SMC4: variants seen among roughly 807,000 people sequenced by gnomAD.
SMC4 encodes the protein structural maintenance of chromosomes 4.
In SMC4, 87 loss-of-function variants were observed where a neutral mutation model predicts 145.6. That is an observed-to-expected ratio of 0.60 (90% CI 0.50 to 0.71). SMC4 has a LOEUF of 0.71. Ranked by LOEUF, SMC4 falls within the 30% of genes least tolerant of loss-of-function variation. The pLI, the probability that SMC4 is intolerant of heterozygous loss-of-function variation, is 0.00. For synonymous variants in SMC4, 558 were observed against 500.7 expected, an observed-to-expected ratio of 1.11 and a Z score of -1.53; for missense variants, 1,447 against 1,537.1, an observed-to-expected ratio of 0.94 and a Z score of 0.98.
rs1717628702 is a variant in SMC4 at position 160,425,036 on chromosome 3, G to C, written c.2478+17G>C. The C allele has an allele frequency of 6.4e-7, 1 of 1,562,726 alleles. No individual in the cohort carries two copies. The highest frequency in any genetic ancestry group is 1.4e-5 in the African/African-American group (1 of 72,484). On this transcript the variant is annotated intron_variant, in intron 16 of 23. Coordinates refer to ENST00000357388, the MANE Select transcript of SMC4 (RefSeq NM_001002800.3). The stretch of plus-strand genomic sequence containing the variant: ...AGCATCCAGGTATGTGTGTGTGTGT[G>C]TGTGTGTGTGTGTGTGTACTGAAAC...
At chr3:160,413,127 GA>G (rs1215625839) in intron 7 of SMC4, among the ~76,000 whole-genome samples, 1 of 151,866 alleles carries the variant, frequency 6.6e-6, no homozygotes, top group African/African-American at 2.4e-5. Context: ...TTGTTGCTGG[GA>G]TTTTTTTGTT....
intron 8 of SMC4, 83 bp downstream of exon 8, chr3:160,413,696 TTG>T: frequency 1.2e-6 from 1 of 826,702 alleles, no homozygotes; most frequent in Non-Finnish European, 1.8e-6. Context: ...TTCTAGCACA[TTG>T]TGAGTGTAAG....
chr3:160,404,292 A>G, intron 4 of SMC4, 36 bp from the exon 5 acceptor site: 1 of 1,574,868 alleles, frequency 6.3e-7, no homozygotes, highest in Non-Finnish European at 8.6e-7. Context: ...CTTAATACCA[A>G]CAATTGTTTT....
chr3:160,433,275 A>C, intron 23 of SMC4, 66 bp downstream of exon 23: 1 of 1,107,126 alleles, frequency 9.0e-7, no homozygotes, highest in East Asian at 2.4e-5. Context: ...TTACACATGG[A>C]ATTCTTTATT....
chr3:160,400,759 G>A, intron 1 of SMC4, 63 bp from the exon 2 acceptor site: 3 of 1,416,438 alleles, frequency 2.1e-6, no homozygotes, highest in South Asian at 1.5e-5. Context: ...ATTTCCCCGG[G>A]TGGGGCGGGC....
chr3:160,404,981 G>C (rs1559989851), intron 5 of SMC4, among the ~76,000 whole-genome samples: 1 of 151,740 alleles, frequency 6.6e-6, no homozygotes. Context: ...CTGTACACTT[G>C]GTGTTTGATT....
Position 160,433,691 on chromosome 3 carries a change from C to G in SMC4, c.3749C>G (p.Ser1250Cys). The change falls in exon 24 of 24, where the codon TCT becomes TGT. Residue 1250 changes from serine (S) to cysteine (C), a missense_variant. Ser to Cys is a moderately radical substitution (Grantham distance 112, BLOSUM62 -1). Coordinates refer to ENST00000357388, the MANE Select transcript of SMC4 (RefSeq NM_001002800.3). ...QTKNAQFIII[S>C]LRNNMFEISD... ...AAAAATGCACAGTTCATAATAATTT[C>G]TCTTCGAAATAATATGTTTGAGATT... 6.3e-7 allele frequency: 1 copy of G among 1,577,872 alleles called. No individual in the cohort carries two copies. Among genetic ancestry groups the G allele is most frequent in the Non-Finnish European group, 8.6e-7 (1 of 1,161,258 alleles).
chr3:160,425,049 T>TGTGTGTGTGG, intron 16 of SMC4, 30 bp downstream of exon 16: 1 of 1,562,812 alleles, frequency 6.4e-7, no homozygotes, highest in Non-Finnish European at 8.7e-7. Flanking sequence ...TGTGTGTGTG[T>TGTGTGTGTGG]GTGTACTGAA....
chr3:160,404,064 G>T (rs1715027694), intron 4 of SMC4: 1 of 368,988 alleles, frequency 2.7e-6, no homozygotes, highest in East Asian at 6.0e-5. Context: ...TTTTAGGCTT[G>T]TTTGGAGGTG....
rs1158421588 is a variant in SMC4, at chr3:160,423,365, T to C, written c.2020-60T>C. ...TTCCTATGGGTTTTTTTTTGTTTTT[T>C]TTTTTGAGTTTTCTTTTTTGTTAAC... On this transcript the variant is annotated intron_variant, in intron 13 of 23. Transcript: ENST00000357388. The C allele has an allele frequency of 7.1e-6, 7 of 987,910 alleles. No individual in the cohort carries two copies. The Admixed American group carries it at 1.9e-4, about 27-fold the overall frequency. The allele number at this position is 987,910 out of a possible 1,614,324, so 61.2% of individuals were successfully genotyped here. A position where few individuals can be genotyped will look rare whatever the true frequency, so the allele number is the denominator to read the frequency against.
chr3:160,400,716 T>A, intron 1 of SMC4, 106 bp from the exon 2 acceptor site: 3 of 1,336,522 alleles, frequency 2.2e-6, no homozygotes, highest in Non-Finnish European at 1.9e-6. Flanking sequence ...AAGCGGAGTG[T>A]TAAGCGGGGC....
At chr3:160,426,731 T>G (rs1177984201) in intron 17 of SMC4, among the ~76,000 whole-genome samples, 1 of 152,202 alleles carries the variant, frequency 6.6e-6, no homozygotes, top group Non-Finnish European at 1.5e-5. Context: ...TAGCCTTAAT[T>G]GAAATCCCCT....
intron 3 of SMC4, among the ~76,000 whole-genome samples, 166 bp from the exon 4 acceptor site, chr3:160,402,510 G>T (rs900925189): frequency 1.3e-5 from 2 of 152,146 alleles, no homozygotes; most frequent in Non-Finnish European, 2.9e-5. Context: ...GAGAGAACTT[G>T]ATGTAAGAAA....
chr3:160,428,833 A>T lies in SMC4; in HGVS notation c.2686A>T (p.Asn896Tyr). ...RLHNTIVEIN[N>Y]HKLKAQQDKL... ...ACACAATACCATCGTAGAAATCAAT[A>T]ATCATAAACTCAAGGCCCAACAAGA... The change falls in exon 18 of 24, where the codon AAT becomes TAT. Residue 896 changes from asparagine (N) to tyrosine (Y), a missense_variant. Transcript: ENST00000357388. 1 of 1,607,202 alleles carries T rather than the reference A, an allele frequency of 6.2e-7. No individual in the cohort carries two copies. The highest frequency in any genetic ancestry group is 1.1e-5 in the South Asian group (1 of 89,160).
intron 10 of SMC4, 50 bp downstream of exon 10, chr3:160,416,465 T>A (rs1716605827): frequency 3.6e-6 from 4 of 1,121,596 alleles, no homozygotes; most frequent in Non-Finnish European, 3.7e-6. Flanking sequence ...TTTTTTTTTT[T>A]AACTTAAAGA....
chr3:160,401,779 T>C, intron 2 of SMC4, 136 bp from the exon 3 acceptor site: 1 of 661,150 alleles, frequency 1.5e-6, no homozygotes, highest in East Asian at 3.0e-5. Context: ...AAATATAGAC[T>C]CCTAAGTTTC....
At position 160,413,553 on chromosome 3, in the gene SMC4, A is replaced by G. The variant is rs1716253778; in HGVS notation, c.1061A>G (p.Lys354Arg). 3.9e-6 allele frequency: 6 copies of G among 1,530,096 alleles called. No homozygotes were observed. In the Admixed American group the frequency reaches 5.9e-5, roughly 15 times the overall value. The allele number at this position is 1,530,096 out of a possible 1,614,324, so 94.8% of individuals were successfully genotyped here. A position where few individuals can be genotyped will look rare whatever the true frequency, so the allele number is the denominator to read the frequency against. The stretch of plus-strand genomic sequence containing the variant: ...GAAGATACCAAAGAAATTAATGAGA[A>G]GAGCAATATACTATCAAATGAAATG... ...IHEDTKEINE[K>R]SNILSNEMKA... The change falls in exon 8 of 24, where the codon AAG becomes AGG. Residue 354 changes from lysine to arginine, a missense_variant. Transcript: ENST00000357388.
At chr3:160,408,680 G>A (rs1480955457) in intron 5 of SMC4, among the ~76,000 whole-genome samples, 1 of 152,170 alleles carries the variant, frequency 6.6e-6, no homozygotes, top group East Asian at 1.9e-4. Context: ...ACTATATTCT[G>A]TAATTTTACA....
rs756108826 is a variant in SMC4, at chr3:160,417,727, G to A, written c.1442G>A (p.Arg481Gln). ...TQGLQKEKES[R>Q]EKELMGFSKS... The stretch of plus-strand genomic sequence containing the variant: ...AATGAACTCATATTTTAACAGAGTC[G>A]AGAGAAAGAACTTATGGGTTTCAGC... The change falls in exon 11 of 24, where the codon CGA becomes CAA. Residue 481 changes from arginine to glutamine, a missense_variant. By Grantham distance (43) the Arg-to-Gln change is conservative. Coordinates refer to ENST00000357388, the MANE Select transcript of SMC4 (RefSeq NM_001002800.3). 24 of 1,609,386 alleles carry A rather than the reference G, an allele frequency of 1.5e-5. No individual in the cohort carries two copies. Among genetic ancestry groups the A allele is most frequent in the Non-Finnish European group, 2.0e-5 (23 of 1,178,940 alleles).
Sources: gnomAD v4.1 joint callset for allele counts (sites outside exome capture counted in the v4.1 genomes callset) on GRCh38, gnomAD v4.1.1 for gene constraint, MANE v1.5 for transcripts, NCBI Gene and HGNC (gene_info 2026-07-23, HGNC 2026-07-21) for gene names.